ACSM5: variants seen among roughly 807,000 people sequenced by gnomAD.
The protein encoded by ACSM5 is acyl-coenzyme A synthetase ACSM5, mitochondrial.
In ACSM5, 56 loss-of-function variants were observed where a neutral mutation model predicts 71.6. The ratio of observed to expected loss-of-function variants is 0.78; its 90% CI spans 0.63 to 0.98. ACSM5 has a LOEUF of 0.98. Among genes scored for constraint, ACSM5 ranks in the 50% least tolerant of loss-of-function variants. ACSM5 has a pLI of 0.00. For synonymous variants in ACSM5, 285 were observed against 281.5 expected (o/e 1.01, Z -0.12); for missense variants, 723 against 726.0 (o/e 1.00, Z 0.05).
At position 20,437,822 on chromosome 16, in the gene ACSM5, G is replaced by A. The variant is rs562371758; in HGVS notation, c.1536+455G>A. ...TTTAATAAGCTGGGCTTTCATAGGAGAAATCCTTTTTTTTTTTTGAGATGG... is the reference window on the plus strand; with the variant it reads ...TTTAATAAGCTGGGCTTTCATAGGAAAAATCCTTTTTTTTTTTTGAGATGG... On this transcript the variant is annotated intron_variant, in intron 12 of 13. Coordinates refer to ENST00000331849, the MANE Select transcript of ACSM5 (RefSeq NM_017888.3). Among the ~76,000 whole-genome samples, 278 of 149,062 alleles carry A rather than the reference G, an allele frequency of 1.9e-3. 2 individuals are homozygous for A. The highest frequency in any genetic ancestry group is 6.8e-3 in the Middle Eastern group (2 of 292).
chr16:20,432,872 T>TTTTTTTTTTTTTTTTGTG (rs1232401379), intron 10 of ACSM5, among the ~76,000 whole-genome samples: 1 of 145,032 alleles, frequency 6.9e-6, no homozygotes, highest in Non-Finnish European at 1.5e-5. Context: ...TTTTTTTTTT[T>TTTTTTTTTTTTTTTTGTG]TGTGACAGTG....
chr16:20,435,126 G>A (rs768246616), intron 10 of ACSM5, among the ~76,000 whole-genome samples: 11 of 152,122 alleles, frequency 7.2e-5, no homozygotes, highest in South Asian at 4.1e-4. Flanking sequence ...TCCGCCTCTC[G>A]GGTTCAAGTG....
chr16:20,441,039 T>A lies in ACSM5; in HGVS notation c.*612T>A, dbSNP rs557404241. ...CAAAATTGTAGTAGATTAACTCAAT[T>A]ACATATGATGTAGCCACTAAAATAT... On this transcript the variant is annotated 3_prime_UTR_variant, in exon 14 of 14. Coordinates refer to ENST00000331849, the MANE Select transcript of ACSM5 (RefSeq NM_017888.3). 2 of 152,342 alleles carry A rather than the reference T, an allele frequency of 1.3e-5. No homozygotes were observed. The highest frequency in any genetic ancestry group is 2.9e-5 in the Non-Finnish European group (2 of 68,078). 9.4% of individuals were successfully genotyped at this position (152,342 alleles called of 1,614,324 possible).
chr16:20,421,465 G>A, intron 5 of ACSM5, 64 bp downstream of exon 5: 2 of 1,405,038 alleles, frequency 1.4e-6, no homozygotes, highest in Non-Finnish European at 1.9e-6. Flanking sequence ...GGAGGGGGTG[G>A]TGTGAGGGGA....
chr16:20,421,151 A>C, intron 4 of ACSM5, 107 bp from the exon 5 acceptor site: 2 of 1,375,674 alleles, frequency 1.5e-6, no homozygotes, highest in Non-Finnish European at 1.9e-6. Flanking sequence ...ACAGCACCTC[A>C]CATGTGGTAT....
intron 7 of ACSM5, among the ~76,000 whole-genome samples, chr16:20,429,351 A>G (rs1352846680): frequency 2.1e-5 from 3 of 143,950 alleles, no homozygotes; most frequent in Non-Finnish European, 3.0e-5. Flanking sequence ...CTTTTCAATC[A>G]GATTACTGTC....
In ACSM5 at chr16:20,418,272, C is replaced by T. The variant is rs1191359793; in HGVS notation, c.415+3C>T. 1 of 1,605,674 alleles carries T rather than the reference C, an allele frequency of 6.2e-7. No individual in the cohort carries two copies. Among genetic ancestry groups the T allele is most frequent in the African/African-American group, 1.3e-5 (1 of 74,756 alleles). On this transcript the variant is annotated splice_donor_region_variant and intron_variant, in intron 3 of 13. Coordinates refer to ENST00000331849, the MANE Select transcript of ACSM5 (RefSeq NM_017888.3). ...CAGTGTGGCTTGCATGCGGACAGGTCAGTAAGCAGGGCTGGGAATTTTAGT... is the reference window on the plus strand; with the variant it reads ...CAGTGTGGCTTGCATGCGGACAGGTTAGTAAGCAGGGCTGGGAATTTTAGT...
At chr16:20,417,741 A>G (rs1966859862) in intron 2 of ACSM5, among the ~76,000 whole-genome samples, 1 of 152,228 alleles carries the variant, frequency 6.6e-6, no homozygotes. Context: ...AAAACAGAAA[A>G]CAGTGTTAAT....
At chr16:20,434,265 T>C (rs1437596088) in intron 10 of ACSM5, among the ~76,000 whole-genome samples, 1 of 152,220 alleles carries the variant, frequency 6.6e-6, no homozygotes, top group Non-Finnish European at 1.5e-5. Flanking sequence ...CATTTAAGTT[T>C]ATAATCCATC....
Position 20,437,181 on chromosome 16 carries a change from T to G in ACSM5, c.1436+2T>G, listed in dbSNP as rs1338211489. ...CGACGATGTGATCAATTCTTCAAGG[T>G]CAAGCTGTCTGCACTTTCCTCCTTC... On this transcript the variant is annotated splice_donor_variant, in intron 11 of 13. Coordinates refer to ENST00000331849, the MANE Select transcript of ACSM5 (RefSeq NM_017888.3). LOFTEE classifies it high-confidence loss of function. The G allele has an allele frequency of 4.3e-6, 7 of 1,614,168 alleles. No homozygotes were observed. The highest frequency in any genetic ancestry group is 1.7e-4 in the Middle Eastern group (1 of 6,060).
intron 7 of ACSM5, 66 bp downstream of exon 7, chr16:20,427,933 C>T: frequency 1.8e-6 from 2 of 1,090,052 alleles, no homozygotes; most frequent in South Asian, 2.5e-5. Context: ...GGTATCCACA[C>T]ACACAACTAC....
At chr16:20,412,429 T>C (rs1351033350) in intron 2 of ACSM5, among the ~76,000 whole-genome samples, 1 of 152,186 alleles carries the variant, frequency 6.6e-6, no homozygotes, top group African/African-American at 2.4e-5. Context: ...TTTTTGCAGA[T>C]CATAACAGAT....
intron 8 of ACSM5, 31 bp downstream of exon 8, chr16:20,429,832 C>G (rs369985079): frequency 3.6e-5 from 58 of 1,607,298 alleles, no homozygotes; most frequent in Middle Eastern, 2.0e-4. Flanking sequence ...GTCCCTACCC[C>G]CCAGGTCCCC....
At chr16:20,417,980 T>A (rs1055364996) in intron 2 of ACSM5, 79 bp from the exon 3 acceptor site, 2 of 1,351,244 alleles carry the variant, frequency 1.5e-6, no homozygotes, top group East Asian at 4.9e-5. Flanking sequence ...TTAACTATTA[T>A]AAAACATTAA....
chr16:20,419,597 A>G (rs1314431126), intron 4 of ACSM5, 162 bp downstream of exon 4: 2 of 667,158 alleles, frequency 3.0e-6, no homozygotes, highest in East Asian at 2.7e-5. Context: ...TCCCTACCTT[A>G]ATGTTCAAGG....
rs775271913 is a variant in ACSM5 at position 20,440,353 on chromosome 16, G to C, written c.1666G>C (p.Val556Leu). 1.3e-6 allele frequency: 2 copies of C among 1,587,962 alleles called. No homozygotes were observed. Among genetic ancestry groups the C allele is most frequent in the South Asian group, 2.2e-5 (2 of 90,676 alleles). The change falls in exon 14 of 14, where the codon GTT becomes CTT. Residue 556 changes from valine to leucine, a missense_variant. Val to Leu is a conservative substitution (Grantham distance 32). Transcript: ENST00000331849. Reference protein sequence around the residue: ...PYKYPRKVAFVSELPKTVSGK... With the variant: ...PYKYPRKVAFLSELPKTVSGK... Reference sequence around the variant, plus strand: ...TGTGTTTGGTCACTAGGTGGCCTTTGTTTCAGAACTGCCAAAGACGGTTTC... The same window carrying C: ...TGTGTTTGGTCACTAGGTGGCCTTTCTTTCAGAACTGCCAAAGACGGTTTC...
Position 20,431,050 on chromosome 16 carries a change from G to T in ACSM5, c.1183G>T (p.Ala395Ser), listed in dbSNP as rs768502848. 4.3e-6 allele frequency: 7 copies of T among 1,613,838 alleles called. No individual in the cohort carries two copies. The highest frequency in any genetic ancestry group is 5.9e-6 in the Non-Finnish European group (7 of 1,179,874). The change falls in exon 9 of 14, where the codon GCG becomes TCG. Residue 395 changes from alanine (A) to serine (S), a missense_variant. By Grantham distance (99) the Ala-to-Ser change is moderately conservative (BLOSUM62 1). Coordinates refer to ENST00000331849, the MANE Select transcript of ACSM5 (RefSeq NM_017888.3). ...MKIKSGSMGK[A>S]SPPYDVQIVD... ...AATCAAGTCTGGATCCATGGGGAAGGCGTCCCCACCCTACGATGTGCAGGT... is the reference window on the plus strand; with the variant it reads ...AATCAAGTCTGGATCCATGGGGAAGTCGTCCCCACCCTACGATGTGCAGGT...
intron 12 of ACSM5, among the ~76,000 whole-genome samples, chr16:20,438,251 T>C (rs1967242044): frequency 6.6e-6 from 1 of 151,988 alleles, no homozygotes; most frequent in South Asian, 2.1e-4. Flanking sequence ...CAGTTACCTT[T>C]TGAAAGTTAG....
intron 8 of ACSM5, among the ~76,000 whole-genome samples, chr16:20,430,557 G>T (rs1361122362): frequency 1.3e-5 from 2 of 150,782 alleles, no homozygotes; most frequent in Admixed American, 1.3e-4. Flanking sequence ...GGAAGAAAAT[G>T]AAGAAGGAAG....
Sources: allele counts gnomAD v4.1 joint callset (sites outside exome capture counted in the v4.1 genomes callset), GRCh38; gene constraint gnomAD v4.1.1; transcripts MANE v1.5; gene names NCBI Gene and HGNC (gene_info 2026-07-23, HGNC 2026-07-21).